GABRA4: variants seen among roughly 807,000 people sequenced by gnomAD.
GABRA4 encodes gamma-aminobutyric acid receptor subunit alpha-4.
A neutral mutation model predicts 49.7 loss-of-function variants in GABRA4; 12 were observed. That is an observed-to-expected ratio of 0.24 (90% CI 0.15 to 0.39). The LOEUF (loss-of-function observed/expected upper bound fraction) is 0.39, where lower values mean the gene tolerates loss of function less well. GABRA4 is among the 10% of genes least tolerant of loss of function. The pLI, the probability that GABRA4 is intolerant of heterozygous loss-of-function variation, is 1.00. For synonymous variants in GABRA4, 288 were observed against 240.2 expected (o/e 1.20, Z -1.84); for missense variants, 506 against 686.0 (o/e 0.74, Z 2.93).
At position 46,967,807 on chromosome 4, in the gene GABRA4, T is replaced by A. The variant is rs549096157; in HGVS notation, c.875-2578A>T. Among the ~76,000 whole-genome samples the A allele has an allele frequency of 5.9e-5, 9 of 151,734 alleles. No homozygotes were observed. In the South Asian group the frequency reaches 1.9e-3, roughly 31 times the overall value. ...GCACCATATTGGCTGGCCCAGAAGC[T>A]GAGTGAGGATGTGTAAGAGTAGGCA... is the stretch of plus-strand genomic sequence containing the variant. On this transcript the variant is annotated intron_variant, in intron 7 of 8. Coordinates refer to ENST00000264318, the MANE Select transcript of GABRA4 (RefSeq NM_000809.4).
rs1720888522 is a variant in GABRA4 at position 46,919,288 on chromosome 4, T to A, written c.*8937A>T. The A allele has an allele frequency of 6.6e-6, 1 of 151,576 alleles. No individual in the cohort carries two copies. The highest frequency in any genetic ancestry group is 6.6e-5 in the Admixed American group (1 of 15,194). The allele number at this position is 151,576 out of a possible 1,614,324, so 9.4% of individuals were successfully genotyped here. On this transcript the variant is annotated 3_prime_UTR_variant, in exon 9 of 9. Coordinates refer to ENST00000264318, the MANE Select transcript of GABRA4 (RefSeq NM_000809.4). ...CCAATATTTGATAATGCTCCTTTTT[T>A]TCAAAATAAATTTGCAAAAACAAAA...
chr4:46,938,811 A>G (rs910375358), intron 8 of GABRA4, among the ~76,000 whole-genome samples: 1 of 152,102 alleles, frequency 6.6e-6, no homozygotes, highest in African/African-American at 2.4e-5. Flanking sequence ...GTCTTATTAA[A>G]GACACTGATT....
chr4:46,931,329 T>C (rs1285392205), intron 8 of GABRA4, among the ~76,000 whole-genome samples: 1 of 152,098 alleles, frequency 6.6e-6, no homozygotes, highest in Non-Finnish European at 1.5e-5. Flanking sequence ...CCTCAAACAC[T>C]GCTCTGGTAT....
Position 46,928,595 on chromosome 4 carries a change from C to G in GABRA4, c.1295G>C (p.Ser432Thr), listed in dbSNP as rs755684993. 38 of 1,613,604 alleles carry G rather than the reference C, an allele frequency of 2.4e-5. No individual in the cohort carries two copies. The South Asian group carries it at 3.5e-4, about 15-fold the overall frequency. ...KGTPRSYLAS[S>T]PNPFSRANAA... ...ATTTGCACGGCTGAATGGGTTTGGA[C>G]TGGAAGCTAAGTAAGACCGAGGTGT... is the stretch of plus-strand genomic sequence containing the variant. The change falls in exon 9 of 9, where the codon AGT (serine) becomes ACT (threonine). Residue 432 changes from serine (S) to threonine (T), a missense_variant. Physicochemically the swap from Ser to Thr is moderately conservative, Grantham distance 58 (BLOSUM62 1). This residue lies in a region of GABRA4 where 243 missense variants were observed against 210.8 expected (regional missense o/e 1.15). Coordinates refer to ENST00000264318, the MANE Select transcript of GABRA4 (RefSeq NM_000809.4).
intron 8 of GABRA4, among the ~76,000 whole-genome samples, chr4:46,938,944 C>T (rs1198168297): frequency 6.6e-6 from 1 of 151,874 alleles, no homozygotes; most frequent in Admixed American, 6.6e-5. Flanking sequence ...AAAATAAACA[C>T]AAAATGGTAT....
intron 8 of GABRA4, among the ~76,000 whole-genome samples, chr4:46,953,940 C>T (rs919892181): frequency 6.6e-6 from 1 of 152,024 alleles, no homozygotes; most frequent in Non-Finnish European, 1.5e-5. Flanking sequence ...TCTAGACCCC[C>T]AAGTTTAAAT....
At chr4:46,963,358 A>C (rs1382730970) in intron 8 of GABRA4, among the ~76,000 whole-genome samples, 1 of 151,744 alleles carries the variant, frequency 6.6e-6, no homozygotes, top group Non-Finnish European at 1.5e-5. Context: ...CAGAATTCCC[A>C]CTTGTTGTAG....
At chr4:46,974,714 C>T (rs898152894) in intron 5 of GABRA4, among the ~76,000 whole-genome samples, 3 of 151,902 alleles carry the variant, frequency 2.0e-5, no homozygotes, top group Non-Finnish European at 4.4e-5. Context: ...AGTTCAAAAG[C>T]AGATATATTG....
intron 8 of GABRA4, among the ~76,000 whole-genome samples, chr4:46,951,469 A>G (rs1053086468): frequency 6.6e-6 from 1 of 151,790 alleles, no homozygotes; most frequent in African/African-American, 2.4e-5. Flanking sequence ...AACTAAACCC[A>G]TATGTCCTCA....
chr4:46,960,965 C>T (rs1473137346), intron 8 of GABRA4, among the ~76,000 whole-genome samples: 1 of 151,680 alleles, frequency 6.6e-6, no homozygotes, highest in African/African-American at 2.4e-5. Context: ...TCTATCATGG[C>T]TTCAATACAA....
chr4:46,992,925 C>T lies in GABRA4; in HGVS notation c.108G>A (p.Gln36=). 6.2e-7 allele frequency: 1 copy of T among 1,609,830 alleles called. No homozygotes were observed. The highest frequency in any genetic ancestry group is 2.2e-5 in the East Asian group (1 of 44,652). The change falls in exon 2 of 9, where the codon CAG becomes CAA. Residue 36 remains glutamine (Q), a synonymous_variant. Coordinates refer to ENST00000264318, the MANE Select transcript of GABRA4 (RefSeq NM_000809.4). Reference sequence around the variant, plus strand: ...TGCACAATTTCTCCTCCTTTTGGTTCTGTCCTGGGGATTCGTTTAAACTGC... The same window carrying T: ...TGCACAATTTCTCCTCCTTTTGGTTTTGTCCTGGGGATTCGTTTAAACTGC... The part of the protein sequence containing the change: ...LAVCLNESPG[Q]NQKEEKLCTE...
chr4:46,919,779 A>G lies in GABRA4; in HGVS notation c.*8446T>C, dbSNP rs1577732050. ...TTTCAACATTTTCAGAATCAAAGTA[A>G]TTATCAGGGGATTTCCTTCATTAAG... On this transcript the variant is annotated 3_prime_UTR_variant, in exon 9 of 9. Coordinates refer to ENST00000264318, the MANE Select transcript of GABRA4 (RefSeq NM_000809.4). 1 of 151,814 alleles carries G rather than the reference A, an allele frequency of 6.6e-6. No individual in the cohort carries two copies. The highest frequency in any genetic ancestry group is 2.4e-5 in the African/African-American group (1 of 41,536). The allele number at this position is 151,814 out of a possible 1,614,324, so 9.4% of individuals were successfully genotyped here.
chr4:46,975,433 A>G (rs1205508904), intron 5 of GABRA4, among the ~76,000 whole-genome samples: 3 of 151,976 alleles, frequency 2.0e-5, no homozygotes, highest in African/African-American at 7.2e-5. Context: ...CAAATTAAGT[A>G]TCCTTCCTTT....
chr4:46,992,954 C>CCA lies in GABRA4; in HGVS notation c.87-9_87-8insTG. ...CCTGGGGATTCGTTTAAACTGCAAG[C>CCA]GAAAAAAAAAAAACCGGGGGCGGAG... On this transcript the variant is annotated splice_polypyrimidine_tract_variant and intron_variant, in intron 1 of 8. Transcript: ENST00000264318. 7.1e-7 allele frequency: 1 copy of CCA among 1,399,190 alleles called. No homozygotes were observed. Among genetic ancestry groups the CCA allele is most frequent in the Non-Finnish European group, 9.7e-7 (1 of 1,026,556 alleles). 86.7% of individuals were successfully genotyped at this position (1,399,190 alleles called of 1,614,324 possible).
chr4:46,928,215 A>C lies in GABRA4; in HGVS notation c.*10T>G. 6.3e-7 allele frequency: 1 copy of C among 1,591,312 alleles called. No individual in the cohort carries two copies. The highest frequency in any genetic ancestry group is 1.1e-5 in the South Asian group (1 of 88,410). On this transcript the variant is annotated 3_prime_UTR_variant, in exon 9 of 9. Transcript: ENST00000264318. ...TCATCATCTTTTAGCAAACTACTAT[A>C]GCAACGAAATTACATTAGACTTTCT...
rs931637175 is a variant in GABRA4, at chr4:46,925,376, A to T, written c.*2849T>A. 9 of 152,110 alleles carry T rather than the reference A, an allele frequency of 5.9e-5. No individual in the cohort carries two copies. The highest frequency in any genetic ancestry group is 2.2e-4 in the African/African-American group (9 of 41,552). The allele number at this position is 152,110 out of a possible 1,614,324, so 9.4% of individuals were successfully genotyped here. ...TGTAAATATATGTTTATACCTAGTCATGCCTGGAGGAAATTGAAAGTAATT... is the reference window on the plus strand; with the variant it reads ...TGTAAATATATGTTTATACCTAGTCTTGCCTGGAGGAAATTGAAAGTAATT... On this transcript the variant is annotated 3_prime_UTR_variant, in exon 9 of 9. Coordinates refer to ENST00000264318, the MANE Select transcript of GABRA4 (RefSeq NM_000809.4).
intron 8 of GABRA4, among the ~76,000 whole-genome samples, chr4:46,949,863 T>A (rs952334217): frequency 4.7e-4 from 71 of 152,158 alleles, no homozygotes; most frequent in Non-Finnish European, 8.7e-4. Context: ...TCATTTTTTT[T>A]AATTAACCAA....
chr4:46,977,798 A>G (rs188865040), intron 3 of GABRA4, among the ~76,000 whole-genome samples, 168 bp from the exon 4 acceptor site: 1 of 152,218 alleles, frequency 6.6e-6, no homozygotes, highest in African/African-American at 2.4e-5. Flanking sequence ...AAAGATTCTC[A>G]GCAATTAGAA....
At chr4:46,960,712 T>C (rs1722545157) in intron 8 of GABRA4, among the ~76,000 whole-genome samples, 2 of 151,672 alleles carry the variant, frequency 1.3e-5, no homozygotes, top group South Asian at 2.1e-4. Flanking sequence ...GTATGAATTA[T>C]GGCCAAAGTT....
Sources: allele counts gnomAD v4.1 joint callset (sites outside exome capture counted in the v4.1 genomes callset), GRCh38; gene constraint gnomAD v4.1.1; regional missense constraint gnomAD v4.1.1; transcripts MANE v1.5; gene names NCBI Gene and HGNC (gene_info 2026-07-23, HGNC 2026-07-21).